CFAP44: variants seen among roughly 807,000 people sequenced by gnomAD.
CFAP44 encodes the protein cilia and flagella associated protein 44, also known as cilia- and flagella-associated protein 44.
CFAP44 carries 134 observed loss-of-function variants against 216.2 expected under a neutral mutation model. The ratio of observed to expected loss-of-function variants is 0.62; its 90% CI spans 0.54 to 0.72. CFAP44 has a LOEUF of 0.72. Among genes scored for constraint, CFAP44 ranks in the 30% least tolerant of loss-of-function variants. The pLI, the probability that CFAP44 is intolerant of heterozygous loss-of-function variation, is 0.00. For synonymous variants in CFAP44, 700 were observed against 727.6 expected (o/e 0.96, Z 0.61); for missense variants, 2,035 against 2,182.1 (o/e 0.93, Z 1.34).
Position 113,420,188 on chromosome 3 carries a change from A to AAGTT in CFAP44, c.408-13_408-10dup. The AAGTT allele has an allele frequency of 1.2e-6, 2 of 1,605,706 alleles. No individual in the cohort carries two copies. The highest frequency in any genetic ancestry group is 1.7e-6 in the Non-Finnish European group (2 of 1,175,820). On this transcript the variant is annotated splice_polypyrimidine_tract_variant and intron_variant, in intron 4 of 34. Transcript: ENST00000393845. ...CATAACCAAAAGAATGTCTGAGGGA[A>AAGTT]AGTTGCTAAGGAAAAGAAGTGAAAA...
In CFAP44 at chr3:113,360,100, T is replaced by C. The variant is rs185187118; in HGVS notation, c.2935-1225A>G. 4.2e-3 allele frequency among the ~76,000 whole-genome samples: 626 copies of C among 149,618 alleles called. 5 individuals are homozygous for C. Among genetic ancestry groups the C allele is most frequent in the African/African-American group, 0.015 (598 of 40,878 alleles). On this transcript the variant is annotated intron_variant, in intron 21 of 34. Transcript: ENST00000393845. ...TTACCAAAAAAAAAAAAAAGTGTGG[T>C]AGGTAAATCCAATAGTAAACTTTGT...
chr3:113,296,576 A>G (rs1949883122), intron 33 of CFAP44, 149 bp downstream of exon 33: 1 of 827,062 alleles, frequency 1.2e-6, no homozygotes, highest in Non-Finnish European at 1.8e-6. Context: ...AAAGAAGCCG[A>G]GACAAGGCCT....
intron 4 of CFAP44, among the ~76,000 whole-genome samples, chr3:113,420,805 T>C (rs1368250105): frequency 6.6e-6 from 1 of 152,200 alleles, no homozygotes; most frequent in African/African-American, 2.4e-5. Context: ...ATAACTAAAA[T>C]TTAATTCATA....
chr3:113,320,495 A>C (rs1461947989), intron 28 of CFAP44, among the ~76,000 whole-genome samples: 1 of 108,632 alleles, frequency 9.2e-6, no homozygotes, highest in Admixed American at 8.4e-5. Context: ...ATATAGATGT[A>C]ATATATATCT....
intron 13 of CFAP44, among the ~76,000 whole-genome samples, chr3:113,398,380 A>G (rs17256551): frequency 0.029 from 4,354 of 152,314 alleles, 110 homozygotes; most frequent in East Asian, 0.1. Context: ...TGAGTCATAA[A>G]AACTGATGTG....
chr3:113,383,236 A>C (rs1304086927), intron 15 of CFAP44, among the ~76,000 whole-genome samples: 2 of 152,240 alleles, frequency 1.3e-5, no homozygotes, highest in Non-Finnish European at 2.9e-5. Flanking sequence ...TAAGTAGCTT[A>C]AATGACAGAA....
chr3:113,343,033 A>G (rs1437877105), intron 23 of CFAP44, among the ~76,000 whole-genome samples: 1 of 150,434 alleles, frequency 6.6e-6, no homozygotes, highest in East Asian at 2.0e-4. Context: ...TGTATCAACT[A>G]ACAAGTTTCT....
intron 6 of CFAP44, among the ~76,000 whole-genome samples, chr3:113,415,164 T>C (rs1384359818): frequency 6.6e-6 from 1 of 152,214 alleles, no homozygotes; most frequent in African/African-American, 2.4e-5. Flanking sequence ...GTATCTATGG[T>C]ATTCTCTGAT....
At chr3:113,436,889 A>G (rs1264643527) in intron 1 of CFAP44, among the ~76,000 whole-genome samples, 1 of 152,196 alleles carries the variant, frequency 6.6e-6, no homozygotes, top group Non-Finnish European at 1.5e-5. Context: ...AATAACATCC[A>G]CTTATTATTT....
intron 13 of CFAP44, among the ~76,000 whole-genome samples, chr3:113,399,259 A>C (rs1443513153): frequency 6.6e-6 from 1 of 152,170 alleles, no homozygotes; most frequent in African/African-American, 2.4e-5. Context: ...TCTGAAGCAG[A>C]GACAATCCAT....
intron 28 of CFAP44, among the ~76,000 whole-genome samples, chr3:113,323,530 T>C (rs906246839): frequency 1.3e-5 from 2 of 152,138 alleles, no homozygotes; most frequent in African/African-American, 2.4e-5. Flanking sequence ...GCTCACTACC[T>C]GGGTGCAATA....
chr3:113,401,248 A>G lies in CFAP44; in HGVS notation c.1366T>C (p.Ser456Pro). 2 of 1,586,686 alleles carry G rather than the reference A, an allele frequency of 1.3e-6. No individual in the cohort carries two copies. Among genetic ancestry groups the G allele is most frequent in the Non-Finnish European group, 1.7e-6 (2 of 1,171,424 alleles). The change falls in exon 11 of 35, where the codon TCA becomes CCA. Residue 456 changes from serine to proline, a missense_variant. This residue lies in a region of CFAP44 where 1,883 missense variants were observed against 2,023.7 expected (regional missense o/e 0.93). Coordinates refer to ENST00000393845, the MANE Select transcript of CFAP44 (RefSeq NM_001164496.2). ...GAIWKLDLSF[S>P]NITQDPECLF... ...AATAATAGGCAACTTACAATATTTGAAAAACTAAGGTCAAGCTTCCATATG... is the reference window on the plus strand; with the variant it reads ...AATAATAGGCAACTTACAATATTTGGAAAACTAAGGTCAAGCTTCCATATG...
At chr3:113,404,162 TGAA>T in intron 8 of CFAP44, 146 bp from the exon 9 acceptor site, 1 of 971,936 alleles carries the variant, frequency 1.0e-6, no homozygotes, top group Non-Finnish European at 1.4e-6. Flanking sequence ...AATACAGAAA[TGAA>T]GACCTACTAC....
At chr3:113,394,284 A>C (rs1003466726) in intron 15 of CFAP44, among the ~76,000 whole-genome samples, 2 of 152,128 alleles carry the variant, frequency 1.3e-5, no homozygotes, top group African/African-American at 4.8e-5. Flanking sequence ...GTCTCCTTCA[A>C]GCTACTTCTT....
chr3:113,338,233 G>A (rs1950297845), intron 24 of CFAP44, among the ~76,000 whole-genome samples: 1 of 117,088 alleles, frequency 8.5e-6, no homozygotes, highest in Admixed American at 1.1e-4. Context: ...TGCCAGCCTG[G>A]ACAACACACG....
intron 22 of CFAP44, among the ~76,000 whole-genome samples, chr3:113,349,557 A>C (rs1451867559): frequency 6.6e-6 from 1 of 152,212 alleles, no homozygotes; most frequent in Non-Finnish European, 1.5e-5. Context: ...GGACACTTTA[A>C]AAAAGATTGT....
intron 5 of CFAP44, among the ~76,000 whole-genome samples, chr3:113,418,979 T>A (rs1576602233): frequency 6.6e-6 from 1 of 152,234 alleles, no homozygotes; most frequent in East Asian, 1.9e-4. Flanking sequence ...GCTGGGATTA[T>A]AGGCATGAGC....
At chr3:113,367,620 TG>T (rs1269086170) in intron 18 of CFAP44, among the ~76,000 whole-genome samples, 2 of 152,232 alleles carry the variant, frequency 1.3e-5, no homozygotes, top group African/African-American at 2.4e-5. Context: ...ACCACAAAGA[TG>T]GGGAGAAACC....
chr3:113,363,186 T>C lies in CFAP44; in HGVS notation c.2893A>G (p.Met965Val), dbSNP rs755921587. The change falls in exon 21 of 35, where the codon ATG (methionine) becomes GTG (valine). Residue 965 changes from methionine (M) to valine (V), a missense_variant. Transcript: ENST00000393845. ...ATATGCTTTGGTAATTTTTCATTCA[T>C]TTCTAATAGATTACAAAATTCACTC... ...LRSEFCNLLE[M>V]NEKLPKHMQF... 3 of 1,612,736 alleles carry C rather than the reference T, an allele frequency of 1.9e-6. No individual in the cohort carries two copies. The African/African-American group carries it at 4.0e-5, about 21-fold the overall frequency.
Sources: allele counts gnomAD v4.1 joint callset (sites outside exome capture counted in the v4.1 genomes callset), GRCh38; gene constraint gnomAD v4.1.1; regional missense constraint gnomAD v4.1.1; transcripts MANE v1.5; gene names NCBI Gene and HGNC (gene_info 2026-07-23, HGNC 2026-07-21).